Variants in ZYG11A observed in about 807,000 individuals in gnomAD.
ZYG11A encodes protein zyg-11 homolog A.
In ZYG11A, 62 loss-of-function variants were observed where a neutral mutation model predicts 77.2. The ratio of observed to expected loss-of-function variants is 0.80; its 90% CI spans 0.65 to 0.99. ZYG11A has a LOEUF of 0.99. Among genes scored for constraint, ZYG11A ranks in the 50% least tolerant of loss-of-function variants. The probability of loss-of-function intolerance (pLI) is 0.00; values close to 1 mark genes in which losing one functional copy is unlikely to be tolerated. For synonymous variants in ZYG11A, 315 were observed against 324.6 expected (o/e 0.97, Z 0.32); for missense variants, 828 against 896.8 (o/e 0.92, Z 0.98).
At chr1:52,856,154 G>A (rs1645805977) in intron 2 of ZYG11A, among the ~76,000 whole-genome samples, 2 of 152,122 alleles carry the variant, frequency 1.3e-5, no homozygotes, top group Admixed American at 1.3e-4. Flanking sequence ...CATCCTAGTG[G>A]ATGTGAAATA....
intron 3 of ZYG11A, among the ~76,000 whole-genome samples, chr1:52,860,233 A>G (rs554019962): frequency 6.6e-6 from 1 of 152,110 alleles, no homozygotes; most frequent in Admixed American, 6.6e-5. Flanking sequence ...TAAAAAATAG[A>G]GGCGAGGTCT....
rs1645831235 is a variant in ZYG11A, at chr1:52,857,286, G to C, written c.545G>C (p.Gly182Ala). The C allele has an allele frequency of 3.2e-6, 5 of 1,551,958 alleles. No homozygotes were observed. The Admixed American group carries it at 7.8e-5, about 24-fold the overall frequency. The change falls in exon 3 of 14, where the codon GGT becomes GCT. Residue 182 changes from glycine (G) to alanine (A), a missense_variant. Physicochemically the swap from Gly to Ala is moderately conservative, Grantham distance 60. Transcript: ENST00000371528. ...TTACTGTTCTTTAGTCAGCTCACTG[G>C]TCTTCGCATTTTAAGTGTTTTTAAT... ...SRLLFFSQLTGLRILSVFNVC... is the reference protein window; with the variant it reads ...SRLLFFSQLTALRILSVFNVC...
chr1:52,865,624 C>T (rs1314099371), intron 5 of ZYG11A, among the ~76,000 whole-genome samples: 8 of 152,132 alleles, frequency 5.3e-5, no homozygotes. Flanking sequence ...GGAAACACTA[C>T]TTGGCACACA....
chr1:52,883,942 T>TCATAGCTCACTGCCGC (rs1646403327), intron 11 of ZYG11A, among the ~76,000 whole-genome samples: 1 of 151,898 alleles, frequency 6.6e-6, no homozygotes, highest in African/African-American at 2.4e-5. Flanking sequence ...TGCAATGGCA[T>TCATAGCTCACTGCCGC]GATCATAGCT....
intron 3 of ZYG11A, among the ~76,000 whole-genome samples, chr1:52,860,229 A>G (rs1422541960): frequency 6.6e-6 from 1 of 151,926 alleles, no homozygotes; most frequent in African/African-American, 2.4e-5. Context: ...GTTTTAAAAA[A>G]TAGAGGCGAG....
chr1:52,870,773 G>A (rs1234011542), intron 8 of ZYG11A, among the ~76,000 whole-genome samples: 3 of 152,108 alleles, frequency 2.0e-5, no homozygotes, highest in Admixed American at 2.0e-4. Flanking sequence ...AGGCAGGAGA[G>A]TCAGGCAGGG....
intron 1 of ZYG11A, among the ~76,000 whole-genome samples, chr1:52,846,153 A>G (rs1645573260): frequency 6.6e-6 from 1 of 151,052 alleles, no homozygotes; most frequent in Non-Finnish European, 1.5e-5. Flanking sequence ...AGTCACTCAA[A>G]GGTAGCTGTT....
chr1:52,880,334 A>T (rs903194342), intron 10 of ZYG11A, among the ~76,000 whole-genome samples: 2 of 151,950 alleles, frequency 1.3e-5, no homozygotes, highest in African/African-American at 2.4e-5. Flanking sequence ...TGCTTTCCTG[A>T]ATGGTTCATC....
intron 11 of ZYG11A, among the ~76,000 whole-genome samples, chr1:52,885,204 C>T (rs1042659212): frequency 1.3e-5 from 2 of 152,048 alleles, no homozygotes; most frequent in Non-Finnish European, 2.9e-5. Context: ...CCACCGTGCC[C>T]GGCCCACTCC....
At chr1:52,880,030 C>G (rs1646336745) in intron 10 of ZYG11A, among the ~76,000 whole-genome samples, 1 of 145,028 alleles carries the variant, frequency 6.9e-6, no homozygotes, top group South Asian at 2.2e-4. Context: ...TCCCAAAGTG[C>G]TGGGATTATA....
At chr1:52,892,394 G>GT (rs1305387004) in intron 13 of ZYG11A, among the ~76,000 whole-genome samples, 11 of 151,236 alleles carry the variant, frequency 7.3e-5, no homozygotes, top group Non-Finnish European at 1.6e-4. Flanking sequence ...CGGGCGTGGT[G>GT]GGGCATGCCT....
intron 1 of ZYG11A, among the ~76,000 whole-genome samples, chr1:52,845,652 T>C (rs581118): frequency 0.41 from 61,499 of 149,804 alleles, 15,401 homozygotes; most frequent in Non-Finnish European, 0.58. Context: ...TTTTTTTTTT[T>C]TTACAGAGGA....
At chr1:52,863,340 C>G (rs142575558) in intron 4 of ZYG11A, among the ~76,000 whole-genome samples, 174 of 152,202 alleles carry the variant, frequency 1.1e-3, no homozygotes, top group African/African-American at 4.1e-3. Context: ...AAATTCTTCT[C>G]CTCTGTTGGT....
At chr1:52,890,612 T>TA (rs1328356418) in intron 13 of ZYG11A, among the ~76,000 whole-genome samples, 1 of 151,346 alleles carries the variant, frequency 6.6e-6, no homozygotes, top group Non-Finnish European at 1.5e-5. Flanking sequence ...ATTTTTCTTT[T>TA]ACTTTTTTTT....
rs1330452387 is a variant in ZYG11A at position 52,894,942 on chromosome 1, A to G, written c.*1985A>G. The G allele has an allele frequency of 6.6e-6, 1 of 152,216 alleles. No homozygotes were observed. Among genetic ancestry groups the G allele is most frequent in the Non-Finnish European group, 1.5e-5 (1 of 68,050 alleles). The allele number at this position is 152,216 out of a possible 1,614,324, so 9.4% of individuals were successfully genotyped here. ...CATCCTTTCAAGTTCTGTGTCATTC[A>G]CAACAATCCTCACGGGTAGGTGAGT... On this transcript the variant is annotated 3_prime_UTR_variant, in exon 14 of 14. Coordinates refer to ENST00000371528, the MANE Select transcript of ZYG11A (RefSeq NM_001004339.3).
chr1:52,857,552 T>C lies in ZYG11A; in HGVS notation c.811T>C (p.Ser271Pro), dbSNP rs945733014. The C allele has an allele frequency of 6.4e-7, 1 of 1,551,986 alleles. No homozygotes were observed. The highest frequency in any genetic ancestry group is 8.7e-7 in the Non-Finnish European group (1 of 1,147,084). Reference protein sequence around the residue: ...LDISDHRQLKSDLAFHLLQQK... With the variant: ...LDISDHRQLKPDLAFHLLQQK... ...TATTTCTGATCACAGGCAACTCAAA[T>C]CAGACCTAGCTTTTCATTTGCTACA... The change falls in exon 3 of 14, where the codon TCA becomes CCA. Residue 271 changes from serine (S) to proline (P), a missense_variant. By Grantham distance (74) the Ser-to-Pro change is moderately conservative. Coordinates refer to ENST00000371528, the MANE Select transcript of ZYG11A (RefSeq NM_001004339.3).
At chr1:52,843,132 C>A (rs1206371932) in intron 1 of ZYG11A, among the ~76,000 whole-genome samples, 159 bp downstream of exon 1, 2 of 152,142 alleles carry the variant, frequency 1.3e-5, no homozygotes, top group East Asian at 3.9e-4. Context: ...GCGCAGGCGT[C>A]GCTGCGGAGG....
intron 13 of ZYG11A, among the ~76,000 whole-genome samples, chr1:52,887,959 A>G (rs1646478674): frequency 6.6e-6 from 1 of 152,210 alleles, no homozygotes; most frequent in African/African-American, 2.4e-5. Flanking sequence ...TACAACAGGA[A>G]ACCCAAGAGA....
chr1:52,889,274 A>G (rs868312542), intron 13 of ZYG11A, among the ~76,000 whole-genome samples: 1 of 152,130 alleles, frequency 6.6e-6, no homozygotes, highest in Non-Finnish European at 1.5e-5. Flanking sequence ...AGCTGGGACT[A>G]TGGGTATACA....
Sources: gnomAD v4.1 joint callset for allele counts (sites outside exome capture counted in the v4.1 genomes callset) on GRCh38, gnomAD v4.1.1 for gene constraint, MANE v1.5 for transcripts, NCBI Gene and HGNC (gene_info 2026-07-23, HGNC 2026-07-21) for gene names.